Variants in ACTR8 observed in about 807,000 individuals in gnomAD.
ACTR8 encodes the protein actin related protein 8, also known as actin-related protein 8.
A neutral mutation model predicts 84.3 loss-of-function variants in ACTR8; 70 were observed. The observed-to-expected ratio is 0.83, with a 90% CI of 0.68 to 1.01. The LOEUF (loss-of-function observed/expected upper bound fraction) is 1.01. ACTR8 is among the 50% of genes least tolerant of loss of function. The pLI, the probability that ACTR8 is intolerant of heterozygous loss-of-function variation, is 0.00. For synonymous variants in ACTR8, 268 were observed against 275.2 expected (o/e 0.97, Z 0.26); for missense variants, 672 against 775.4 (o/e 0.87, Z 1.58).
downstream of ACTR8, among the ~76,000 whole-genome samples, chr3:53,866,358 T>G (rs1699777669): frequency 7.6e-6 from 1 of 131,272 alleles, no homozygotes; most frequent in Non-Finnish European, 1.7e-5. Flanking sequence ...CACTCCATCC[T>G]GGGTGAGAGC....
chr3:53,860,092 T>A, the ACTR8 span: 1 of 1,372,950 alleles, frequency 7.3e-7, no homozygotes, highest in Non-Finnish European at 1.0e-6. Flanking sequence ...TAAGTGTGGA[T>A]TTGTTTTCCA....
At chr3:53,860,437 A>T in the ACTR8 span, 2 of 406,212 alleles carry the variant, frequency 4.9e-6, no homozygotes, top group Non-Finnish European at 8.7e-6. Flanking sequence ...GGACTTCCAG[A>T]TCTTCTGACT....
downstream of ACTR8, among the ~76,000 whole-genome samples, chr3:53,862,319 G>A (rs1287190919): frequency 6.6e-6 from 1 of 152,166 alleles, no homozygotes; most frequent in African/African-American, 2.4e-5. Flanking sequence ...GGAAAGGATT[G>A]TCAACACTAT....
At chr3:53,863,159 G>A (rs1340703216), downstream of ACTR8, among the ~76,000 whole-genome samples, 1 of 152,116 alleles carries the variant, frequency 6.6e-6, no homozygotes, top group East Asian at 1.9e-4. Context: ...CAAAATATGT[G>A]TTAATTGGCT....
chr3:53,860,215 A>C, the ACTR8 span: 1 of 1,612,736 alleles, frequency 6.2e-7, no homozygotes, highest in South Asian at 1.1e-5. Flanking sequence ...GGATCTATCT[A>C]ATGTGGAGGC....
chr3:53,869,898 C>T, intron 12 of ACTR8, 84 bp downstream of exon 12: 2 of 1,509,732 alleles, frequency 1.3e-6, no homozygotes, highest in Non-Finnish European at 1.8e-6. Flanking sequence ...AGACACAAGC[C>T]CATGCCTCCC....
intron 1 of ACTR8, among the ~76,000 whole-genome samples, chr3:53,881,141 C>A (rs1192036511): frequency 6.6e-6 from 1 of 152,336 alleles, no homozygotes; most frequent in East Asian, 1.9e-4. Context: ...GTGTGCCAGG[C>A]ACTGTCATAC....
In ACTR8 at chr3:53,881,947, G is replaced by C. The variant is rs774592043; in HGVS notation, c.123+32C>G. On this transcript the variant is annotated intron_variant, in intron 1 of 12. Transcript: ENST00000335754. ...CCTGGCAGCGGAGGACCCAAGCAAG[G>C]GCAAAGAGTTCCAACCCAGCCAGAG... 12 of 1,554,252 alleles carry C rather than the reference G, an allele frequency of 7.7e-6. No individual in the cohort carries two copies. The East Asian group carries it at 1.7e-4, about 22-fold the overall frequency.
chr3:53,874,769 A>C (rs1699941405), intron 7 of ACTR8, among the ~76,000 whole-genome samples: 1 of 152,156 alleles, frequency 6.6e-6, no homozygotes, highest in Admixed American at 6.5e-5. Flanking sequence ...ATGTCCATTA[A>C]ACACAGTGAT....
chr3:53,868,906 TATACTC>T (rs1559790227), intron 12 of ACTR8, 44 bp from the exon 13 acceptor site: 1 of 1,584,964 alleles, frequency 6.3e-7, no homozygotes. Context: ...ACATAAGACA[TATACTC>T]AATCATTTAC....
At chr3:53,873,366 A>T (rs1699917369) in intron 8 of ACTR8, among the ~76,000 whole-genome samples, 1 of 151,498 alleles carries the variant, frequency 6.6e-6, no homozygotes, top group South Asian at 2.1e-4. Context: ...AACATACATT[A>T]GTACAACAAT....
Position 53,877,396 on chromosome 3 carries a change from G to T in ACTR8, c.511-9C>A. 1.3e-6 allele frequency: 2 copies of T among 1,585,002 alleles called. No individual in the cohort carries two copies. The highest frequency in any genetic ancestry group is 1.7e-6 in the Non-Finnish European group (2 of 1,167,404). ...GGATTAACATACAAGGCCTAGAAAA[G>T]GAGGAGGGAGATGAGTACTTTGTTA... On this transcript the variant is annotated splice_polypyrimidine_tract_variant and intron_variant, in intron 4 of 12. Transcript: ENST00000335754.
At chr3:53,874,183 T>G in intron 8 of ACTR8, 28 bp downstream of exon 8, 1 of 1,576,136 alleles carries the variant, frequency 6.3e-7, no homozygotes, top group Non-Finnish European at 8.6e-7. Flanking sequence ...GAAACAAAAA[T>G]AATCAGCAAT....
At chr3:53,880,749 G>A (rs1700045764) in intron 1 of ACTR8, among the ~76,000 whole-genome samples, 2 of 152,162 alleles carry the variant, frequency 1.3e-5, no homozygotes, top group Non-Finnish European at 2.9e-5. Context: ...CACATCCTCT[G>A]TTGGCACAAG....
downstream of ACTR8, chr3:53,865,018 A>G (rs1699731043): frequency 6.2e-7 from 1 of 1,614,202 alleles, no homozygotes; most frequent in African/African-American, 1.3e-5. Flanking sequence ...GTGCGATGGT[A>G]CCTGTGGCAA....
chr3:53,860,262 A>T, the ACTR8 span: 4 of 1,534,844 alleles, frequency 2.6e-6, no homozygotes, highest in Non-Finnish European at 3.6e-6. Flanking sequence ...ACATCCTAGT[A>T]AGGAAATAAC....
chr3:53,875,961 G>A lies in ACTR8; in HGVS notation c.898C>T (p.His300Tyr), dbSNP rs1381456243. ...CAAGTTCCTTACCGAGTATTCCGAT[G>A]AGACACCCCATCCTCCACACAGCAT... ...SVCCVEDGVS[H>Y]RNTRLCLAYG... The change falls in exon 7 of 13, where the codon CAT becomes TAT. Residue 300 changes from histidine (H) to tyrosine (Y), a missense_variant. By Grantham distance (83) the His-to-Tyr change is moderately conservative (BLOSUM62 2). Coordinates refer to ENST00000335754, the MANE Select transcript of ACTR8 (RefSeq NM_022899.5). The A allele has an allele frequency of 6.2e-7, 1 of 1,614,170 alleles. No homozygotes were observed. The highest frequency in any genetic ancestry group is 1.1e-5 in the South Asian group (1 of 91,082).
At chr3:53,873,837 T>C (rs1018624712) in intron 8 of ACTR8, among the ~76,000 whole-genome samples, 2 of 152,154 alleles carry the variant, frequency 1.3e-5, no homozygotes, top group African/African-American at 4.8e-5. Context: ...TTTATTTATT[T>C]ATTTTGAGAT....
rs1288403958 is a variant in ACTR8, at chr3:53,874,302, G to T, written c.974C>A (p.Ala325Asp). The change falls in exon 8 of 13, where the codon GCT becomes GAT. Residue 325 changes from alanine (A) to aspartate (D), a missense_variant. Physicochemically the swap from Ala to Asp is moderately radical, Grantham distance 126 (BLOSUM62 -2). Coordinates refer to ENST00000335754, the MANE Select transcript of ACTR8 (RefSeq NM_022899.5). ...SRCFYWLMQR[A>D]GFPYRECQLT... is the part of the protein sequence containing the mutation. ...CTGGCATTCTCTGTAAGGGAACCCA[G>T]CTCGCTGCATTAGCCAGTAAAAACA... 5 of 1,614,162 alleles carry T rather than the reference G, an allele frequency of 3.1e-6. No individual in the cohort carries two copies. The South Asian group carries it at 5.5e-5, about 18-fold the overall frequency.
Sources: allele counts gnomAD v4.1 joint callset (sites outside exome capture counted in the v4.1 genomes callset), GRCh38; gene constraint gnomAD v4.1.1; transcripts MANE v1.5; gene names NCBI Gene and HGNC (gene_info 2026-07-23, HGNC 2026-07-21).